PDZD8: variants seen among roughly 807,000 people sequenced by gnomAD.
PDZD8 encodes the protein PDZ domain-containing protein 8.
Under a neutral mutation model 85.8 loss-of-function variants are expected in PDZD8, and 14 were observed. The observed-to-expected ratio is 0.16, with a 90% CI of 0.11 to 0.26. The LOEUF (loss-of-function observed/expected upper bound fraction) is 0.26. Among genes scored for constraint, PDZD8 ranks in the 10% least tolerant of loss-of-function variants. The pLI is 1.00. For missense variants in PDZD8, 1,197 were observed against 1,424.3 expected (o/e 0.84, Z 2.57); for synonymous variants, 592 against 568.6 (o/e 1.04, Z -0.59).
At chr10:117,325,689 C>CACCA (rs1415884343) in intron 2 of PDZD8, among the ~76,000 whole-genome samples, 4 of 152,050 alleles carry the variant, frequency 2.6e-5, no homozygotes, top group South Asian at 2.1e-4. Context: ...AGGCATGAGC[C>CACCA]ACCACGCCCA....
chr10:117,315,115 C>G (rs558034510), intron 3 of PDZD8, among the ~76,000 whole-genome samples: 2 of 152,090 alleles, frequency 1.3e-5, no homozygotes. Flanking sequence ...TTTCATGGTA[C>G]CTTCTCTTCC....
intron 3 of PDZD8, among the ~76,000 whole-genome samples, chr10:117,294,338 A>AAAC (rs1554955467): frequency 3.4e-5 from 5 of 148,512 alleles, no homozygotes; most frequent in African/African-American, 1.0e-4. Context: ...AAAAAAAAAA[A>AAAC]AAAAAAACAA....
chr10:117,278,533 G>T lies in PDZD8; in HGVS notation c.*4735C>A, dbSNP rs1026914768. ...GAACATTGTCAATTTATGTCATTTT[G>T]TTAAGAGATATGACTGGAGTGTGCA... On this transcript the variant is annotated 3_prime_UTR_variant, in exon 5 of 5. Coordinates refer to ENST00000334464, the MANE Select transcript of PDZD8 (RefSeq NM_173791.5). 6.6e-6 allele frequency: 1 copy of T among 152,100 alleles called. No individual in the cohort carries two copies. Among genetic ancestry groups the T allele is most frequent in the African/African-American group, 2.4e-5 (1 of 41,396 alleles). 9.4% of individuals were successfully genotyped at this position (152,100 alleles called of 1,614,324 possible). A position where few individuals can be genotyped will look rare whatever the true frequency, so the allele number is the denominator to read the frequency against.
intron 3 of PDZD8, among the ~76,000 whole-genome samples, chr10:117,304,844 AAT>A (rs1465613315): frequency 1.3e-5 from 2 of 152,152 alleles, no homozygotes; most frequent in African/African-American, 4.8e-5. Context: ...TGCAAGTCCA[AAT>A]AAGCCTCTTT....
At chr10:117,347,780 G>C (rs1017102999) in intron 1 of PDZD8, among the ~76,000 whole-genome samples, 1 of 152,132 alleles carries the variant, frequency 6.6e-6, no homozygotes, top group African/African-American at 2.4e-5. Context: ...GGAGAGAAAA[G>C]AGACAAGGGA....
chr10:117,343,748 T>C (rs1844656726), intron 1 of PDZD8, among the ~76,000 whole-genome samples: 1 of 152,336 alleles, frequency 6.6e-6, no homozygotes, highest in East Asian at 1.9e-4. Flanking sequence ...AGAGTGTTTA[T>C]GCACAAAAAT....
intron 3 of PDZD8, among the ~76,000 whole-genome samples, chr10:117,298,674 T>G (rs891074948): frequency 2.0e-5 from 3 of 152,130 alleles, no homozygotes; most frequent in Non-Finnish European, 4.4e-5. Context: ...CCTTCTAAAC[T>G]CTACTATCAA....
chr10:117,342,604 A>G (rs561332215), intron 1 of PDZD8, among the ~76,000 whole-genome samples: 2 of 152,214 alleles, frequency 1.3e-5, no homozygotes, highest in South Asian at 2.1e-4. Context: ...CAGCCTCCCA[A>G]GTGGCTGGGA....
At chr10:117,291,006 A>G (rs1381711635) in intron 3 of PDZD8, among the ~76,000 whole-genome samples, 1 of 151,064 alleles carries the variant, frequency 6.6e-6, no homozygotes, top group East Asian at 2.0e-4. Flanking sequence ...AGCAGCTGGG[A>G]CTACAGGCGT....
intron 2 of PDZD8, among the ~76,000 whole-genome samples, chr10:117,323,037 T>C (rs1034711535): frequency 3.9e-5 from 6 of 152,154 alleles, no homozygotes; most frequent in Admixed American, 1.3e-4. Context: ...CTTTCACATG[T>C]ATGAGTATTA....
intron 3 of PDZD8, among the ~76,000 whole-genome samples, chr10:117,303,154 T>G (rs1843876353): frequency 6.6e-6 from 1 of 152,154 alleles, no homozygotes; most frequent in African/African-American, 2.4e-5. Context: ...CCTAGAAACT[T>G]GTCGAATGGC....
intron 2 of PDZD8, among the ~76,000 whole-genome samples, chr10:117,337,417 T>C (rs17545115): frequency 6.6e-6 from 1 of 152,022 alleles, no homozygotes; most frequent in African/African-American, 2.4e-5. Context: ...CAAAAAAACA[T>C]GCAATTGTTC....
At chr10:117,320,378 A>T (rs1479478236) in intron 2 of PDZD8, among the ~76,000 whole-genome samples, 1 of 152,124 alleles carries the variant, frequency 6.6e-6, no homozygotes, top group Non-Finnish European at 1.5e-5. Context: ...AGGAATGAAA[A>T]AGCAAAATTG....
intron 2 of PDZD8, among the ~76,000 whole-genome samples, chr10:117,328,957 C>T (rs567060220): frequency 1.3e-5 from 2 of 152,192 alleles, no homozygotes; most frequent in African/African-American, 2.4e-5. Context: ...GGAGTTCCCA[C>T]TGGAAACGTG....
Position 117,290,240 on chromosome 10 carries a change from A to G in PDZD8, c.1207T>C (p.Ser403Pro). ...HVIIETVAPNSPAAIADLQRG... is the reference protein window; with the variant it reads ...HVIIETVAPNPPAAIADLQRG... ...TGAAGATCTGCAATTGCAGCAGGCG[A>G]GTTTGGAGCCACAGTTTCAATGATG... Residue 403 changes from serine to proline, a missense_variant, in exon 4 of 5, where the codon TCG (serine) becomes CCG (proline). Ser to Pro is a moderately conservative substitution (Grantham distance 74). This residue lies in a region of PDZD8 where 344 missense variants were observed against 453.6 expected (regional missense o/e 0.76). Coordinates refer to ENST00000334464, the MANE Select transcript of PDZD8 (RefSeq NM_173791.5). 6.2e-7 allele frequency: 1 copy of G among 1,614,106 alleles called. No individual in the cohort carries two copies. Among genetic ancestry groups the G allele is most frequent in the Non-Finnish European group, 8.5e-7 (1 of 1,179,968 alleles).
rs1844570902 is a variant in PDZD8, at chr10:117,281,179, TAACATGGTG to T, written c.*2080_*2088del. On this transcript the variant is annotated 3_prime_UTR_variant, in exon 5 of 5. Coordinates refer to ENST00000334464, the MANE Select transcript of PDZD8 (RefSeq NM_173791.5). ...GTCAGGAGATCGAGACCATCCTGGC[TAACATGGTG>T]AAACCCCGTCTCTACTAAAAATACA... 6.6e-6 allele frequency: 1 copy of T among 151,928 alleles called. No individual in the cohort carries two copies. The highest frequency in any genetic ancestry group is 1.5e-5 in the Non-Finnish European group (1 of 68,030). The allele number at this position is 151,928 out of a possible 1,614,324, so 9.4% of individuals were successfully genotyped here.
chr10:117,337,374 T>C (rs1216423573), intron 2 of PDZD8, among the ~76,000 whole-genome samples: 4 of 152,206 alleles, frequency 2.6e-5, no homozygotes, highest in Admixed American at 1.3e-4. Context: ...ATTGCATTCA[T>C]CTGTGGTTAA....
intron 2 of PDZD8, among the ~76,000 whole-genome samples, chr10:117,322,656 G>A (rs1844245769): frequency 6.6e-6 from 1 of 152,130 alleles, no homozygotes; most frequent in Non-Finnish European, 1.5e-5. Flanking sequence ...GGCCTCAGGT[G>A]TCTGGTTCAC....
At chr10:117,364,201 T>C (rs4752053) in intron 1 of PDZD8, among the ~76,000 whole-genome samples, 4,885 of 141,376 alleles carry the variant, frequency 0.035, 90 homozygotes, top group South Asian at 0.043. Context: ...TGTGTGTGTG[T>C]GTGTGTGAGA....
Sources: allele counts gnomAD v4.1 joint callset (sites outside exome capture counted in the v4.1 genomes callset), GRCh38; gene constraint gnomAD v4.1.1; regional missense constraint gnomAD v4.1.1; transcripts MANE v1.5; gene names NCBI Gene and HGNC (gene_info 2026-07-23, HGNC 2026-07-21).